Variants in TMCC3 observed in about 807,000 individuals in gnomAD.
The protein encoded by TMCC3 is transmembrane and coiled-coil domain protein 3.
TMCC3 carries 28 observed loss-of-function variants against 40.2 expected under a neutral mutation model. That is an observed-to-expected ratio of 0.70 (90% CI 0.52 to 0.95). The LOEUF (loss-of-function observed/expected upper bound fraction) is 0.95, where lower values mean the gene tolerates loss of function less well. TMCC3 is among the 40% of genes least tolerant of loss of function. The probability of loss-of-function intolerance (pLI) is 0.00; values close to 1 mark genes in which losing one functional copy is unlikely to be tolerated. For synonymous variants in TMCC3, 255 were observed against 248.5 expected (o/e 1.03, Z -0.25); for missense variants, 554 against 615.2 (o/e 0.90, Z 1.05).
chr12:94,599,227 G>T (rs2138847432), intron 1 of TMCC3, among the ~76,000 whole-genome samples: 1 of 152,288 alleles, frequency 6.6e-6, no homozygotes, highest in Middle Eastern at 3.4e-3. Flanking sequence ...TCATGATAGG[G>T]TCTTGTACAG....
At chr12:94,590,867 A>G (rs1030523631) in intron 1 of TMCC3, 5 of 562,698 alleles carry the variant, frequency 8.9e-6, no homozygotes, top group Admixed American at 2.1e-5. Context: ...ACTGGAGAGG[A>G]GCCCCTGGAT....
chr12:94,619,009 C>A (rs898405921), intron 1 of TMCC3, among the ~76,000 whole-genome samples: 1 of 152,186 alleles, frequency 6.6e-6, no homozygotes, highest in Non-Finnish European at 1.5e-5. Context: ...GCACCCAGCC[C>A]GTGGTCTACT....
At chr12:94,602,887 A>G (rs1274535) in intron 1 of TMCC3, among the ~76,000 whole-genome samples, 136,374 of 152,118 alleles carry the variant, frequency 0.9, 61,498 homozygotes, top group Middle Eastern at 0.95. Flanking sequence ...GGATCCAATT[A>G]ACCTTAGGTC....
chr12:94,615,140 GT>G (rs1051153667), intron 1 of TMCC3, among the ~76,000 whole-genome samples: 3 of 152,208 alleles, frequency 2.0e-5, no homozygotes, highest in African/African-American at 7.2e-5. Context: ...ATATTTTAAT[GT>G]TCAGGGAAGG....
chr12:94,604,775 G>C (rs564023106), intron 1 of TMCC3, among the ~76,000 whole-genome samples: 2 of 119,094 alleles, frequency 1.7e-5, no homozygotes, highest in African/African-American at 6.6e-5. Context: ...TTGCACTTCA[G>C]CCTAAGTGAC....
chr12:94,584,158 T>C (rs1273871024), intron 1 of TMCC3, among the ~76,000 whole-genome samples: 1 of 152,164 alleles, frequency 6.6e-6, no homozygotes, highest in African/African-American at 2.4e-5. Flanking sequence ...TGAGGCCTGG[T>C]GGGAGGTGAT....
chr12:94,571,805 C>G, intron 3 of TMCC3, 68 bp from the exon 4 acceptor site: 1 of 1,530,934 alleles, frequency 6.5e-7, no homozygotes, highest in Non-Finnish European at 8.9e-7. Context: ...AGTGCTCGCT[C>G]AGCTGTACAC....
chr12:94,626,426 T>G (rs191293523), intron 1 of TMCC3, among the ~76,000 whole-genome samples: 1 of 152,230 alleles, frequency 6.6e-6, no homozygotes, highest in South Asian at 2.1e-4. Context: ...GTACATGTCT[T>G]CCCTGATTAG....
chr12:94,635,102 A>G (rs574667854), intron 1 of TMCC3, among the ~76,000 whole-genome samples: 2 of 152,260 alleles, frequency 1.3e-5, no homozygotes, highest in Non-Finnish European at 2.9e-5. Flanking sequence ...AAGGCACAGG[A>G]GTAACATACA....
At chr12:94,583,636 T>C (rs1357419650) in intron 1 of TMCC3, among the ~76,000 whole-genome samples, 1 of 152,220 alleles carries the variant, frequency 6.6e-6, no homozygotes, top group Non-Finnish European at 1.5e-5. Flanking sequence ...GGCAAGTTTG[T>C]GCTCTAAAAG....
rs938084700 is a variant in TMCC3, at chr12:94,567,246, G to A, written c.*4189C>T. The A allele has an allele frequency of 2.6e-5, 4 of 152,192 alleles. No homozygotes were observed. Among genetic ancestry groups the A allele is most frequent in the Non-Finnish European group, 2.9e-5 (2 of 68,040 alleles). The allele number at this position is 152,192 out of a possible 1,614,324, so 9.4% of individuals were successfully genotyped here. On this transcript the variant is annotated 3_prime_UTR_variant, in exon 4 of 4. Coordinates refer to ENST00000261226, the MANE Select transcript of TMCC3 (RefSeq NM_020698.4). Reference sequence around the variant, plus strand: ...CCACAATGGGGTGAAGATCTACAGGGAATTTACAATTTTAGGCTGACATGA... The same window carrying A: ...CCACAATGGGGTGAAGATCTACAGGAAATTTACAATTTTAGGCTGACATGA...
chr12:94,600,177 C>T (rs2068744063), intron 1 of TMCC3, among the ~76,000 whole-genome samples: 1 of 150,412 alleles, frequency 6.6e-6, no homozygotes. Context: ...GGGTAAACAG[C>T]ATAATTATTT....
intron 1 of TMCC3, among the ~76,000 whole-genome samples, chr12:94,608,224 T>G (rs909879320): frequency 6.6e-6 from 1 of 152,202 alleles, no homozygotes; most frequent in African/African-American, 2.4e-5. Flanking sequence ...CAAGCGTAAT[T>G]AGACAAGAAT....
Position 94,571,673 on chromosome 12 carries a change from G to A in TMCC3, c.1196C>T (p.Ala399Val). The A allele has an allele frequency of 1.9e-6, 3 of 1,614,258 alleles. No individual in the cohort carries two copies. Among genetic ancestry groups the A allele is most frequent in the South Asian group, 2.2e-5 (2 of 91,086 alleles). ...KLELHQQEQQ[A>V]LQTDTVNAKV... ...AGCATTCACGGTGTCTGTCTGCAGA[G>A]CTTGCTGCTCTTGCTGGTGGAGCTC... The change falls in exon 4 of 4, where the codon GCT (alanine) becomes GTT (valine). Residue 399 changes from alanine (A) to valine (V), a missense_variant. By Grantham distance (64) the Ala-to-Val change is moderately conservative (BLOSUM62 0). Transcript: ENST00000261226.
intron 1 of TMCC3, among the ~76,000 whole-genome samples, chr12:94,612,112 C>A (rs2068819691): frequency 6.6e-6 from 1 of 152,132 alleles, no homozygotes; most frequent in South Asian, 2.1e-4. Flanking sequence ...GATCCCCCTA[C>A]TTCAGCCTCC....
At chr12:94,588,588 G>A (rs1594272711) in intron 1 of TMCC3, among the ~76,000 whole-genome samples, 1 of 152,216 alleles carries the variant, frequency 6.6e-6, no homozygotes, top group South Asian at 2.1e-4. Flanking sequence ...AAGTACATGT[G>A]AGTGAAGATT....
At position 94,571,580 on chromosome 12, in the gene TMCC3, G is replaced by GAC; in HGVS notation, c.1287_1288dup (p.Ser430CysfsTer11). On this transcript the variant is annotated frameshift_variant, in exon 4 of 4. Coordinates refer to ENST00000261226, the MANE Select transcript of TMCC3 (RefSeq NM_020698.4). LOFTEE classifies it high-confidence loss of function. ...GGGTGAGACGAACTTCGCGATGGTG[G>GAC]ACACACACACTAAGATGACAGTCAT... The GAC allele has an allele frequency of 3.1e-6, 5 of 1,614,102 alleles. No homozygotes were observed. Among genetic ancestry groups the GAC allele is most frequent in the South Asian group, 2.2e-5 (2 of 91,076 alleles).
At chr12:94,623,963 T>G (rs776848002) in intron 1 of TMCC3, among the ~76,000 whole-genome samples, 5 of 152,260 alleles carry the variant, frequency 3.3e-5, no homozygotes, top group Non-Finnish European at 5.9e-5. Flanking sequence ...AAGTTATAAT[T>G]TATATTATTA....
intron 1 of TMCC3, among the ~76,000 whole-genome samples, chr12:94,619,801 C>T (rs543017216): frequency 9.9e-5 from 15 of 152,220 alleles, no homozygotes; most frequent in African/African-American, 2.2e-4. Flanking sequence ...TATCAATAGG[C>T]GACTGGTTAA....
Sources: gnomAD v4.1 joint callset for allele counts (sites outside exome capture counted in the v4.1 genomes callset) on GRCh38, gnomAD v4.1.1 for gene constraint, MANE v1.5 for transcripts, NCBI Gene and HGNC (gene_info 2026-07-23, HGNC 2026-07-21) for gene names.